HMG20A: variants seen among roughly 807,000 people sequenced by gnomAD.
HMG20A encodes high mobility group protein 20A.
In HMG20A, 17 loss-of-function variants were observed where a neutral mutation model predicts 43.9. The ratio of observed to expected loss-of-function variants is 0.39; its 90% CI spans 0.27 to 0.58. The LOEUF (loss-of-function observed/expected upper bound fraction) is 0.58. Ranked by LOEUF, HMG20A falls within the 20% of genes least tolerant of loss-of-function variation. The probability of loss-of-function intolerance (pLI) is 0.59; values close to 1 mark genes in which losing one functional copy is unlikely to be tolerated. For synonymous variants in HMG20A, 132 were observed against 147.5 expected, an observed-to-expected ratio of 0.89 and a Z score of 0.76; for missense variants, 341 against 438.2, an observed-to-expected ratio of 0.78 and a Z score of 1.98.
chr15:77,465,064 A>T (rs2072742368), intron 3 of HMG20A, among the ~76,000 whole-genome samples: 1 of 152,026 alleles, frequency 6.6e-6, no homozygotes, highest in South Asian at 2.1e-4. Flanking sequence ...GTTCAAGACT[A>T]GCCTGGCCAA....
the HMG20A span, among the ~76,000 whole-genome samples, chr15:77,506,057 G>A: frequency 1.1e-4 from 16 of 149,280 alleles, no homozygotes; most frequent in Middle Eastern, 0.02. Context: ...CCCCCACCTA[G>A]GGTTGGTAGA....
chr15:77,507,029 T>G, the HMG20A span, among the ~76,000 whole-genome samples: 1 of 152,204 alleles, frequency 6.6e-6, no homozygotes, highest in African/African-American at 2.4e-5. Flanking sequence ...CTCCTTCATG[T>G]GGGTGGGCTC....
At chr15:77,421,261 T>A (rs1251616254) in intron 1 of HMG20A, among the ~76,000 whole-genome samples, 1 of 152,092 alleles carries the variant, frequency 6.6e-6, no homozygotes, top group Non-Finnish European at 1.5e-5. Context: ...CTTGAAAAGG[T>A]GGTGCTTGGT....
At chr15:77,512,998 G>A in the HMG20A span, among the ~76,000 whole-genome samples, 1 of 152,250 alleles carries the variant, frequency 6.6e-6, no homozygotes, top group African/African-American at 2.4e-5. Context: ...CTTAAATTGT[G>A]AGCCATTCTA....
the HMG20A span, among the ~76,000 whole-genome samples, chr15:77,506,172 T>C: frequency 6.6e-6 from 1 of 151,966 alleles, no homozygotes; most frequent in Non-Finnish European, 1.5e-5. Context: ...TATAAGTAAG[T>C]ATGTCCCATG....
the HMG20A span, among the ~76,000 whole-genome samples, chr15:77,512,839 C>G: frequency 6.6e-6 from 1 of 151,924 alleles, no homozygotes; most frequent in East Asian, 1.9e-4. Context: ...ACTGGTGAAG[C>G]CTGGTAGATA....
chr15:77,478,160 C>A, intron 7 of HMG20A, 135 bp from the exon 8 acceptor site: 1 of 751,866 alleles, frequency 1.3e-6, no homozygotes, highest in Non-Finnish European at 2.3e-6. Context: ...TCTGGAATGC[C>A]ATAATGAGAA....
the HMG20A span, among the ~76,000 whole-genome samples, chr15:77,517,240 G>T: frequency 6.6e-6 from 1 of 152,180 alleles, no homozygotes; most frequent in South Asian, 2.1e-4. Context: ...CATTGCAGAG[G>T]TCTTAATCCT....
At chr15:77,493,508 C>T in the HMG20A span, among the ~76,000 whole-genome samples, 17 of 152,112 alleles carry the variant, frequency 1.1e-4, no homozygotes, top group Admixed American at 1.0e-3. Flanking sequence ...AGGGGGAAGT[C>T]ACTGAAGGTT....
chr15:77,424,343 G>T (rs1233059496), intron 1 of HMG20A, among the ~76,000 whole-genome samples: 1 of 152,124 alleles, frequency 6.6e-6, no homozygotes, highest in East Asian at 1.9e-4. Flanking sequence ...GAACAGTGGG[G>T]AAAATATGGG....
the HMG20A span, among the ~76,000 whole-genome samples, chr15:77,514,314 T>C: frequency 2.6e-5 from 4 of 152,144 alleles, no homozygotes; most frequent in Non-Finnish European, 5.9e-5. Context: ...CAAAAGAACA[T>C]ATACTATATA....
chr15:77,497,682 A>AGAGAGTGT, the HMG20A span, among the ~76,000 whole-genome samples: 445 of 119,066 alleles, frequency 3.7e-3, 4 homozygotes, highest in African/African-American at 0.013. Context: ...AGAGAGAGAG[A>AGAGAGTGT]GTGTGTGTGT....
At chr15:77,424,162 C>G (rs1372914906) in intron 1 of HMG20A, among the ~76,000 whole-genome samples, 1 of 152,178 alleles carries the variant, frequency 6.6e-6, no homozygotes, top group Non-Finnish European at 1.5e-5. Context: ...TAAACTTGAT[C>G]TCTCCTGGTC....
the HMG20A span, among the ~76,000 whole-genome samples, chr15:77,515,956 AG>A: frequency 6.6e-6 from 1 of 152,176 alleles, no homozygotes; most frequent in South Asian, 2.1e-4. Flanking sequence ...GACACCCTCC[AG>A]GGGCCCTTAG....
chr15:77,447,973 T>TC (rs1450764442), intron 1 of HMG20A, among the ~76,000 whole-genome samples: 1 of 152,238 alleles, frequency 6.6e-6, no homozygotes. Flanking sequence ...ACTAAACTGA[T>TC]TACAAGACTA....
chr15:77,442,117 T>C (rs1430240397), intron 1 of HMG20A, among the ~76,000 whole-genome samples: 1 of 152,196 alleles, frequency 6.6e-6, no homozygotes, highest in Non-Finnish European at 1.5e-5. Flanking sequence ...AATGTACATA[T>C]AACAACCTCA....
chr15:77,492,681 C>T, the HMG20A span, among the ~76,000 whole-genome samples: 1 of 151,870 alleles, frequency 6.6e-6, no homozygotes, highest in East Asian at 1.9e-4. Context: ...ATTAGCCAGG[C>T]ATGATGGGGC....
intron 1 of HMG20A, among the ~76,000 whole-genome samples, chr15:77,450,629 A>G (rs1172789375): frequency 6.6e-6 from 1 of 152,232 alleles, no homozygotes; most frequent in African/African-American, 2.4e-5. Context: ...AAAATGTGAC[A>G]TACCATTAAT....
intron 1 of HMG20A, among the ~76,000 whole-genome samples, chr15:77,449,297 CG>C (rs1417572376): frequency 6.6e-6 from 1 of 152,046 alleles, no homozygotes; most frequent in Non-Finnish European, 1.5e-5. Flanking sequence ...TCTCTCTCCT[CG>C]TCTTTTTCCC....
Sources: gnomAD v4.1 joint callset for allele counts (sites outside exome capture counted in the v4.1 genomes callset) on GRCh38, gnomAD v4.1.1 for gene constraint, MANE v1.5 for transcripts, NCBI Gene and HGNC (gene_info 2026-07-23, HGNC 2026-07-21) for gene names.